CYP11A1: variants seen among roughly 807,000 people sequenced by gnomAD.
CYP11A1 encodes cytochrome P450 family 11 subfamily A member 1.
CYP11A1 carries 25 observed loss-of-function variants against 51.9 expected under a neutral mutation model. The ratio of observed to expected loss-of-function variants is 0.48; its 90% CI spans 0.35 to 0.67. CYP11A1 has a LOEUF of 0.67. Ranked by LOEUF, CYP11A1 falls within the 30% of genes least tolerant of loss-of-function variation. The pLI is 0.00. For missense variants in CYP11A1, 578 were observed against 680.9 expected, an observed-to-expected ratio of 0.85 and a Z score of 1.68; for synonymous variants, 245 against 262.1, an observed-to-expected ratio of 0.93 and a Z score of 0.63.
intron 5 of CYP11A1, 24 bp downstream of exon 5, chr15:74,342,953 G>A (rs763304991): frequency 2.5e-6 from 4 of 1,611,362 alleles, no homozygotes; most frequent in East Asian, 4.5e-5. Context: ...GGGCAACAAG[G>A]TGCCGCCCCT....
intron 2 of CYP11A1, among the ~76,000 whole-genome samples, chr15:74,346,102 C>T (rs1336203713): frequency 1.3e-5 from 2 of 152,116 alleles, no homozygotes; most frequent in African/African-American, 4.8e-5. Flanking sequence ...CCTGTAATCC[C>T]AGCATTTTGG....
Position 74,343,948 on chromosome 15 carries a change from C to T in CYP11A1, c.670G>A (p.Glu224Lys). The change falls in exon 4 of 9, where the codon GAA becomes AAA. Residue 224 changes from glutamate (E) to lysine (K), a missense_variant. Transcript: ENST00000268053. ...IFGERQGMLE[E>K]VVNPEAQRFI... The stretch of plus-strand genomic sequence containing the variant: ...CGCTGGGCCTCGGGGTTCACTACTT[C>T]CTCCAGCATCCCCTGGCGCTCCCCA... The T allele has an allele frequency of 6.2e-7, 1 of 1,614,172 alleles. No individual in the cohort carries two copies. The highest frequency in any genetic ancestry group is 1.1e-5 in the South Asian group (1 of 91,078).
Position 74,347,965 on chromosome 15 carries a change from T to G in CYP11A1, c.360A>C (p.Arg120=), listed in dbSNP as rs765699988. The G allele has an allele frequency of 1.2e-6, 2 of 1,614,158 alleles. No individual in the cohort carries two copies. The highest frequency in any genetic ancestry group is 2.2e-5 in the East Asian group (1 of 44,880). ...AGGCGACCCAGGGCGGGATGAGGAATCGTTCTGGGTTGGGGCCCTCGGACT... is the reference window on the plus strand; with the variant it reads ...AGGCGACCCAGGGCGGGATGAGGAAGCGTTCTGGGTTGGGGCCCTCGGACT... The part of the protein sequence containing the change: ...LFKSEGPNPE[R]FLIPPWVAYH... Residue 120 remains arginine, a synonymous_variant, in exon 2 of 9, where the codon CGA becomes CGC. Coordinates refer to ENST00000268053, the MANE Select transcript of CYP11A1 (RefSeq NM_000781.3).
At chr15:74,362,954 G>A (rs1009928929) in intron 1 of CYP11A1, 23 of 152,262 alleles carry the variant, frequency 1.5e-4, no homozygotes, top group Middle Eastern at 3.4e-3. Flanking sequence ...AACCCACATC[G>A]TGGGTTAAAG....
At chr15:74,363,541 T>A (rs1348909812) in intron 1 of CYP11A1, 1 of 152,224 alleles carries the variant, frequency 6.6e-6, no homozygotes, top group Non-Finnish European at 1.5e-5. Context: ...TTTAGGAGGT[T>A]TGGTTTATGG....
In CYP11A1 at chr15:74,339,585, G is replaced by A. The variant is rs749754082; in HGVS notation, c.1157+2C>T. 6.2e-7 allele frequency: 1 copy of A among 1,613,800 alleles called. No homozygotes were observed. Among genetic ancestry groups the A allele is most frequent in the South Asian group, 1.1e-5 (1 of 91,060 alleles). ...GGGCGGCATGGGTGGTTGTGGGCTTGCCTTAGTGTCTCCTTGATGCTGGCT... is the reference window on the plus strand; with the variant it reads ...GGGCGGCATGGGTGGTTGTGGGCTTACCTTAGTGTCTCCTTGATGCTGGCT... On this transcript the variant is annotated splice_donor_variant, in intron 6 of 8. Coordinates refer to ENST00000268053, the MANE Select transcript of CYP11A1 (RefSeq NM_000781.3). LOFTEE classifies it low-confidence loss of function (GC_TO_GT_DONOR).
chr15:74,347,955 G>T lies in CYP11A1; in HGVS notation c.370C>A (p.Pro124Thr), dbSNP rs563255958. The T allele has an allele frequency of 5.0e-6, 8 of 1,614,224 alleles. No individual in the cohort carries two copies. In the African/African-American group the frequency reaches 6.7e-5, roughly 13 times the overall value. ...EGPNPERFLI[P>T]PWVAYHQYYQ... The stretch of plus-strand genomic sequence containing the variant: ...TACTGGTGATAGGCGACCCAGGGCG[G>T]GATGAGGAATCGTTCTGGGTTGGGG... The change falls in exon 2 of 9, where the codon CCG becomes ACG. Residue 124 changes from proline (P) to threonine (T), a missense_variant. By Grantham distance (38) the Pro-to-Thr change is conservative. Coordinates refer to ENST00000268053, the MANE Select transcript of CYP11A1 (RefSeq NM_000781.3).
At chr15:74,355,315 C>T (rs1047560719) in intron 1 of CYP11A1, among the ~76,000 whole-genome samples, 8 of 152,150 alleles carry the variant, frequency 5.3e-5, no homozygotes, top group East Asian at 1.9e-4. Flanking sequence ...AGCCAGAAAA[C>T]GGCACTTTCG....
chr15:74,339,429 G>GGGGTA (rs2060595724), intron 6 of CYP11A1, 114 bp from the exon 7 acceptor site: 4 of 1,399,532 alleles, frequency 2.9e-6, no homozygotes, highest in Non-Finnish European at 4.0e-6. Context: ...GGGGGACCTG[G>GGGGTA]GGGTAGGGCC....
At chr15:74,348,277 G>T in intron 1 of CYP11A1, 1 of 578,582 alleles carries the variant, frequency 1.7e-6, no homozygotes, top group East Asian at 2.9e-5. Flanking sequence ...GTATATGGAT[G>T]TGACCTTTGT....
intron 1 of CYP11A1, 69 bp downstream of exon 1, chr15:74,367,248 A>T: frequency 6.4e-7 from 1 of 1,572,712 alleles, no homozygotes; most frequent in Non-Finnish European, 8.7e-7. Flanking sequence ...GGGAGTGGGG[A>T]CTACAGCAGG....
At chr15:74,367,079 T>C (rs1178180748) in intron 1 of CYP11A1, 1 of 573,856 alleles carries the variant, frequency 1.7e-6, no homozygotes, top group East Asian at 3.0e-5. Flanking sequence ...TGCCACCAAT[T>C]GTTTCAAAAG....
intron 1 of CYP11A1, chr15:74,354,436 GCTGA>G (rs942839172): frequency 2.7e-5 from 4 of 149,238 alleles, no homozygotes; most frequent in African/African-American, 1.0e-4. Context: ...ATCTCCTTTT[GCTGA>G]CTCTTTTCGG....
chr15:74,341,934 GCC>G (rs2060608880), intron 5 of CYP11A1, among the ~76,000 whole-genome samples: 1 of 152,122 alleles, frequency 6.6e-6, no homozygotes, highest in Non-Finnish European at 1.5e-5. Flanking sequence ...CACCAACCCT[GCC>G]AACACCTTGA....
At position 74,342,931 on chromosome 15, in the gene CYP11A1, C is replaced by T. The variant is rs776803958; in HGVS notation, c.990+46G>A. Reference sequence around the variant, plus strand: ...CGAGGGGCCTGGTGGGGAAGGGGCACGTGGGCACAGGGGGCAACAAGGTGC... The same window carrying T: ...CGAGGGGCCTGGTGGGGAAGGGGCATGTGGGCACAGGGGGCAACAAGGTGC... On this transcript the variant is annotated intron_variant, in intron 5 of 8. Transcript: ENST00000268053. The T allele has an allele frequency of 6.2e-6, 10 of 1,605,818 alleles. No individual in the cohort carries two copies. The South Asian group carries it at 6.6e-5, about 11-fold the overall frequency.
intron 1 of CYP11A1, chr15:74,367,012 G>C (rs976532552): frequency 2.8e-5 from 12 of 429,190 alleles, no homozygotes; most frequent in African/African-American, 2.4e-4. Flanking sequence ...CACCATGCCT[G>C]GCCAGACCTG....
intron 6 of CYP11A1, 75 bp from the exon 7 acceptor site, chr15:74,339,390 G>T: frequency 2.0e-6 from 3 of 1,507,982 alleles, no homozygotes; most frequent in Non-Finnish European, 2.8e-6. Flanking sequence ...CACCCTGTGT[G>T]GCATCTCAGC....
intron 5 of CYP11A1, 68 bp from the exon 6 acceptor site, chr15:74,339,821 AC>A: frequency 1.3e-6 from 2 of 1,482,598 alleles, no homozygotes; most frequent in Non-Finnish European, 9.4e-7. Context: ...GAGGTCCTTG[AC>A]CCCATGGTAA....
chr15:74,364,896 G>A (rs1034437804), intron 1 of CYP11A1, among the ~76,000 whole-genome samples: 2 of 152,154 alleles, frequency 1.3e-5, no homozygotes, highest in African/African-American at 4.8e-5. Context: ...ATAGGGTGGG[G>A]TGCGGGGTGG....
Sources: gnomAD v4.1 joint callset for allele counts (sites outside exome capture counted in the v4.1 genomes callset) on GRCh38, gnomAD v4.1.1 for gene constraint, MANE v1.5 for transcripts, NCBI Gene and HGNC (gene_info 2026-07-23, HGNC 2026-07-21) for gene names.